Variants in LRRC36 observed in about 807,000 individuals in gnomAD.
LRRC36 encodes leucine-rich repeat-containing protein 36.
In LRRC36, 62 loss-of-function variants were observed where a neutral mutation model predicts 81.1. That is an observed-to-expected ratio of 0.76 (90% confidence interval 0.62 to 0.94). The LOEUF is 0.94. LRRC36 is among the 40% of genes least tolerant of loss of function. The pLI is 0.00. For synonymous variants in LRRC36, 334 were observed against 348.6 expected, an observed-to-expected ratio of 0.96 and a Z score of 0.47; for missense variants, 761 against 881.7, an observed-to-expected ratio of 0.86 and a Z score of 1.73.
In LRRC36 at chr16:67,367,211, A is replaced by G. The variant is rs1222403858; in HGVS notation, c.949A>G (p.Ser317Gly). 1.2e-6 allele frequency: 2 copies of G among 1,614,188 alleles called. No homozygotes were observed. The highest frequency in any genetic ancestry group is 2.2e-5 in the South Asian group (2 of 91,082). The change falls in exon 8 of 14, where the codon AGC becomes GGC. Residue 317 changes from serine (S) to glycine (G), a missense_variant. Transcript: ENST00000329956. ...TAAATGCCTGGATGTGGGTGATTCT[A>G]GCCAGATCCATCCCTATCAGTTACC... ...LSKCLDVGDSSQIHPYQLPSD... is the reference protein window; with the variant it reads ...LSKCLDVGDSGQIHPYQLPSD...
chr16:67,384,133 T>C (rs558045660), intron 13 of LRRC36, among the ~76,000 whole-genome samples: 1 of 152,268 alleles, frequency 6.6e-6, no homozygotes, highest in East Asian at 1.9e-4. Context: ...GTGGATGGCT[T>C]TTAACATTAG....
At chr16:67,338,817 G>A (rs2037883839) in intron 1 of LRRC36, among the ~76,000 whole-genome samples, 1 of 142,782 alleles carries the variant, frequency 7.0e-6, no homozygotes, top group African/African-American at 2.6e-5. Context: ...CAGGTTCATG[G>A]TGGCAGATAC....
Position 67,385,125 on chromosome 16 carries a change from CCACAGAGGCTCT to C in LRRC36, c.*40_*51del. 6.5e-7 allele frequency: 1 copy of C among 1,535,162 alleles called. No homozygotes were observed. The highest frequency in any genetic ancestry group is 9.0e-7 in the Non-Finnish European group (1 of 1,112,100). On this transcript the variant is annotated 3_prime_UTR_variant, in exon 14 of 14. Transcript: ENST00000329956. The stretch of plus-strand genomic sequence containing the variant: ...GAACTCACACCACAGCTTCCCTGGT[CCACAGAGGCTCT>C]CACCGCCATTGCCACCAGTATGGTG...
intron 11 of LRRC36, 127 bp from the exon 12 acceptor site, chr16:67,378,462 A>G: frequency 1.4e-6 from 1 of 720,770 alleles, no homozygotes; most frequent in Non-Finnish European, 2.3e-6. Flanking sequence ...CTGGTCTCGA[A>G]CTCCTGAGCT....
intron 12 of LRRC36, among the ~76,000 whole-genome samples, chr16:67,380,760 G>A (rs79106080): frequency 0.027 from 4,074 of 152,118 alleles, 92 homozygotes; most frequent in South Asian, 0.063. Context: ...TTGGCTTACT[G>A]GTGATAAATA....
chr16:67,345,814 C>T (rs2038319567), intron 2 of LRRC36, among the ~76,000 whole-genome samples: 1 of 151,772 alleles, frequency 6.6e-6, no homozygotes, highest in Non-Finnish European at 1.5e-5. Flanking sequence ...CCCTTTCCCC[C>T]AGAACCAGCT....
chr16:67,364,852 T>A (rs1441902785), intron 6 of LRRC36, among the ~76,000 whole-genome samples: 4 of 152,212 alleles, frequency 2.6e-5, no homozygotes, highest in African/African-American at 9.6e-5. Context: ...ATAATTTTTT[T>A]AAAAGCAAAC....
At chr16:67,384,611 G>A (rs1223289641) in intron 13 of LRRC36, among the ~76,000 whole-genome samples, 1 of 152,178 alleles carries the variant, frequency 6.6e-6, no homozygotes, top group East Asian at 1.9e-4. Flanking sequence ...AAGTGCTTTT[G>A]AAAGAACAGA....
intron 5 of LRRC36, among the ~76,000 whole-genome samples, chr16:67,358,739 G>C (rs571694784): frequency 6.6e-6 from 1 of 152,052 alleles, no homozygotes; most frequent in Non-Finnish European, 1.5e-5. Context: ...AATTTGAATA[G>C]ACATTTCTCC....
At chr16:67,351,046 T>A (rs573046718) in intron 5 of LRRC36, among the ~76,000 whole-genome samples, 209 of 152,086 alleles carry the variant, frequency 1.4e-3, no homozygotes, top group African/African-American at 4.8e-3. Context: ...CTTAAAAAAA[T>A]AAATAAATAA....
chr16:67,362,103 A>C, intron 5 of LRRC36: 1 of 359,596 alleles, frequency 2.8e-6, no homozygotes, highest in Non-Finnish European at 5.5e-6. Flanking sequence ...TAAAAAAAAC[A>C]AAAACAAAAA....
Position 67,378,631 on chromosome 16 carries a change from CT to C in LRRC36, c.1850del (p.Leu617ProfsTer19). ...QKLVRVLEEN[L>X]ILSEKIQQLE... is the part of the protein sequence containing the mutation. ...ACTGGTCAGAGTGCTGGAGGAAAACCTCATTTTGTCAGAAAAAATTCAACAG... is the reference window on the plus strand; with the variant it reads ...ACTGGTCAGAGTGCTGGAGGAAAACCCATTTTGTCAGAAAAAATTCAACAG... On this transcript the variant is annotated frameshift_variant, in exon 12 of 14. Coordinates refer to ENST00000329956, the MANE Select transcript of LRRC36 (RefSeq NM_018296.6). LOFTEE classifies it high-confidence loss of function. 1.2e-6 allele frequency: 2 copies of C among 1,614,086 alleles called. No homozygotes were observed. Among genetic ancestry groups the C allele is most frequent in the South Asian group, 2.2e-5 (2 of 91,076 alleles).
At chr16:67,366,560 G>A (rs2039398796) in intron 7 of LRRC36, among the ~76,000 whole-genome samples, 1 of 152,070 alleles carries the variant, frequency 6.6e-6, no homozygotes, top group Non-Finnish European at 1.5e-5. Flanking sequence ...GACCAGCCTG[G>A]CCAACACGGT....
At chr16:67,377,486 C>A (rs1306068354) in intron 11 of LRRC36, among the ~76,000 whole-genome samples, 2 of 151,940 alleles carry the variant, frequency 1.3e-5, no homozygotes, top group African/African-American at 4.8e-5. Context: ...TGCCCACCAC[C>A]ATGCCCAGCT....
At chr16:67,337,502 C>T (rs923289651) in intron 1 of LRRC36, among the ~76,000 whole-genome samples, 2 of 151,552 alleles carry the variant, frequency 1.3e-5, no homozygotes, top group Middle Eastern at 3.4e-3. Flanking sequence ...GGATTACAGG[C>T]GTGTGCCACT....
At chr16:67,334,661 C>G (rs1339866761) in intron 1 of LRRC36, among the ~76,000 whole-genome samples, 2 of 152,108 alleles carry the variant, frequency 1.3e-5, no homozygotes, top group Non-Finnish European at 2.9e-5. Flanking sequence ...TTTTACTAAC[C>G]TAAAAATCCC....
intron 8 of LRRC36, among the ~76,000 whole-genome samples, chr16:67,369,933 C>T (rs757399524): frequency 1.2e-4 from 19 of 152,006 alleles, no homozygotes; most frequent in Non-Finnish European, 2.4e-4. Flanking sequence ...TCAACCCCTT[C>T]AAGGAGTTTT....
intron 1 of LRRC36, among the ~76,000 whole-genome samples, chr16:67,328,829 A>AC (rs1455385720): frequency 2.0e-5 from 3 of 149,610 alleles, no homozygotes; most frequent in Non-Finnish European, 4.4e-5. Flanking sequence ...CCCACCTCCA[A>AC]CCCCCTACAC....
intron 5 of LRRC36, among the ~76,000 whole-genome samples, chr16:67,352,234 T>G (rs949217708): frequency 7.2e-5 from 11 of 152,210 alleles, no homozygotes; most frequent in African/African-American, 2.7e-4. Context: ...CTTCGAAACG[T>G]TAAGGAGCTT....
Sources: allele counts gnomAD v4.1 joint callset (sites outside exome capture counted in the v4.1 genomes callset), GRCh38; gene constraint gnomAD v4.1.1; transcripts MANE v1.5; gene names NCBI Gene and HGNC (gene_info 2026-07-23, HGNC 2026-07-21).